RNLS: variants seen among roughly 807,000 people sequenced by gnomAD.
The protein encoded by RNLS is renalase, FAD dependent amine oxidase.
Under a neutral mutation model 39.8 loss-of-function variants are expected in RNLS, and 39 were observed. That is an observed-to-expected ratio of 0.98 (90% CI 0.76 to 1.28). RNLS has a LOEUF of 1.28. Ranked by LOEUF, RNLS falls within the 50% of genes most tolerant of loss-of-function variation. The pLI is 0.00. For synonymous variants in RNLS, 147 were observed against 150.7 expected (o/e 0.98, Z 0.18); for missense variants, 410 against 413.3 (o/e 0.99, Z 0.07).
At chr10:88,277,443 G>A (rs754192519) in intron 6 of RNLS, among the ~76,000 whole-genome samples, 12 of 151,986 alleles carry the variant, frequency 7.9e-5, no homozygotes, top group African/African-American at 2.9e-4. Context: ...AAATCTGCAC[G>A]TTGTGCACAG....
At chr10:88,211,093 A>G in the RNLS span, among the ~76,000 whole-genome samples, 10 of 152,116 alleles carry the variant, frequency 6.6e-5, no homozygotes, top group African/African-American at 2.4e-4. Context: ...TTCTTTCTCC[A>G]AATTTGCCTC....
the RNLS span, among the ~76,000 whole-genome samples, chr10:88,256,556 C>T: frequency 1.3e-5 from 2 of 152,328 alleles, no homozygotes; most frequent in Admixed American, 6.5e-5. Flanking sequence ...CTTTTTCATG[C>T]GGGGTCCGCC....
chr10:88,205,732 T>C, the RNLS span, among the ~76,000 whole-genome samples: 2 of 152,116 alleles, frequency 1.3e-5, no homozygotes, highest in Non-Finnish European at 2.9e-5. Flanking sequence ...CATTTCCTTT[T>C]AAAAAATCAA....
chr10:88,383,182 C>T (rs897084329), intron 4 of RNLS, among the ~76,000 whole-genome samples: 1 of 152,054 alleles, frequency 6.6e-6, no homozygotes, highest in Non-Finnish European at 1.5e-5. Flanking sequence ...TTCTACTTCT[C>T]TATCACATGG....
At chr10:88,470,102 G>A (rs185261732) in intron 4 of RNLS, among the ~76,000 whole-genome samples, 1 of 151,834 alleles carries the variant, frequency 6.6e-6, no homozygotes, top group Admixed American at 6.6e-5. Flanking sequence ...AGAATCAAGA[G>A]TCCCTTTCCT....
chr10:88,172,300 A>G, the RNLS span, among the ~76,000 whole-genome samples: 24 of 152,180 alleles, frequency 1.6e-4, no homozygotes, highest in African/African-American at 5.8e-4. Flanking sequence ...AACAATGTGT[A>G]AGAGTTTTCT....
intron 4 of RNLS, among the ~76,000 whole-genome samples, chr10:88,549,901 G>A (rs1263229947): frequency 6.6e-6 from 1 of 152,144 alleles, no homozygotes; most frequent in African/African-American, 2.4e-5. Context: ...AACAACTAAT[G>A]TTGAAATGTA....
intron 4 of RNLS, among the ~76,000 whole-genome samples, chr10:88,549,944 T>C (rs1269327746): frequency 3.3e-5 from 5 of 152,212 alleles, no homozygotes; most frequent in Admixed American, 6.5e-5. Context: ...CATGATTTGC[T>C]TCACAGAATG....
chr10:88,401,311 T>C (rs531771078), intron 4 of RNLS, among the ~76,000 whole-genome samples: 1 of 152,170 alleles, frequency 6.6e-6, no homozygotes, highest in African/African-American at 2.4e-5. Context: ...ATAATAAATA[T>C]TGAGACAGGT....
At chr10:88,529,778 A>AG (rs766072438) in intron 4 of RNLS, among the ~76,000 whole-genome samples, 66 of 152,220 alleles carry the variant, frequency 4.3e-4, no homozygotes, top group Non-Finnish European at 8.4e-4. Context: ...ATCATCACTC[A>AG]GCCTTAACAA....
intron 4 of RNLS, among the ~76,000 whole-genome samples, chr10:88,467,333 A>G (rs1381043703): frequency 6.6e-6 from 1 of 152,158 alleles, no homozygotes; most frequent in Non-Finnish European, 1.5e-5. Flanking sequence ...GTCCAAGATC[A>G]ATAACAGGAA....
chr10:88,244,929 C>A, the RNLS span, among the ~76,000 whole-genome samples: 1 of 152,110 alleles, frequency 6.6e-6, no homozygotes, highest in Admixed American at 6.5e-5. Flanking sequence ...ATCCAAAGTA[C>A]AGGAACCGAG....
chr10:88,332,848 C>T (rs1194039079), intron 5 of RNLS, among the ~76,000 whole-genome samples: 1 of 152,024 alleles, frequency 6.6e-6, no homozygotes, highest in African/African-American at 2.4e-5. Context: ...CTACCTCTTC[C>T]TAGGAAACTA....
intron 4 of RNLS, among the ~76,000 whole-genome samples, chr10:88,511,353 G>C (rs1257524596): frequency 2.0e-5 from 3 of 152,110 alleles, no homozygotes; most frequent in Non-Finnish European, 2.9e-5. Flanking sequence ...TGAGCAACTG[G>C]AGTCAGAAAG....
At chr10:88,385,550 G>GCTAA (rs1851806790) in intron 4 of RNLS, among the ~76,000 whole-genome samples, 1 of 152,308 alleles carries the variant, frequency 6.6e-6, no homozygotes, top group Admixed American at 6.5e-5. Context: ...TTTCCAACTT[G>GCTAA]CTAACTGCAA....
intron 6 of RNLS, among the ~76,000 whole-genome samples, chr10:88,305,165 G>A (rs536440672): frequency 9.2e-5 from 14 of 152,266 alleles, no homozygotes; most frequent in African/African-American, 3.1e-4. Context: ...GAGGGAACTC[G>A]TTACCACCAG....
At chr10:88,504,745 A>C (rs1313627289) in intron 4 of RNLS, among the ~76,000 whole-genome samples, 1 of 151,762 alleles carries the variant, frequency 6.6e-6, no homozygotes, top group Non-Finnish European at 1.5e-5. Flanking sequence ...AAGAAAATCT[A>C]ATTTTCTCAG....
Position 88,362,726 on chromosome 10 carries a change from C to G in RNLS, c.527-1G>C. ...TGCTGCCTTTGGCATTCACTAATTA[C>G]TGTGGAAGAAAAAATAAAAGGCATC... On this transcript the variant is annotated splice_acceptor_variant, in intron 4 of 6. Transcript: ENST00000331772. LOFTEE classifies it high-confidence loss of function. 1 of 1,607,676 alleles carries G rather than the reference C, an allele frequency of 6.2e-7. No homozygotes were observed. Among genetic ancestry groups the G allele is most frequent in the Non-Finnish European group, 8.5e-7 (1 of 1,177,810 alleles).
At chr10:88,402,198 TACTC>T (rs1252591382) in intron 4 of RNLS, among the ~76,000 whole-genome samples, 1 of 151,986 alleles carries the variant, frequency 6.6e-6, no homozygotes, top group Non-Finnish European at 1.5e-5. Flanking sequence ...CAGAAACACT[TACTC>T]ACTGAAACCA....
Sources: gnomAD v4.1 joint callset for allele counts (sites outside exome capture counted in the v4.1 genomes callset) on GRCh38, gnomAD v4.1.1 for gene constraint, MANE v1.5 for transcripts, NCBI Gene and HGNC (gene_info 2026-07-23, HGNC 2026-07-21) for gene names.